The following DCDC2 variants were observed in gnomAD, a reference collection of about 807,000 sequenced individuals.
DCDC2 encodes the protein doublecortin domain containing 2.
In DCDC2, 40 loss-of-function variants were observed where a neutral mutation model predicts 50.2. The ratio of observed to expected loss-of-function variants is 0.80; its 90% CI spans 0.62 to 1.04. The LOEUF is 1.04. Ranked by LOEUF, DCDC2 falls within the 50% of genes least tolerant of loss-of-function variation. The pLI is 0.00. For missense variants in DCDC2, 570 were observed against 581.9 expected, an observed-to-expected ratio of 0.98 and a Z score of 0.21; for synonymous variants, 234 against 210.6, an observed-to-expected ratio of 1.11 and a Z score of -0.96.
At chr6:24,236,292 T>C (rs936973557) in intron 7 of DCDC2, among the ~76,000 whole-genome samples, 1 of 152,176 alleles carries the variant, frequency 6.6e-6, no homozygotes, top group South Asian at 2.1e-4. Flanking sequence ...CCTATAGCCA[T>C]CTGATCTTTG....
intron 2 of DCDC2, among the ~76,000 whole-genome samples, chr6:24,323,503 A>C (rs543126833): frequency 6.6e-6 from 1 of 152,230 alleles, no homozygotes; most frequent in Non-Finnish European, 1.5e-5. Flanking sequence ...ACATTAACAA[A>C]GGAACTGGGT....
rs917543259 is a variant in DCDC2 at position 24,173,700 on chromosome 6, T to G, written c.*1030A>C. 1 of 152,182 alleles carries G rather than the reference T, an allele frequency of 6.6e-6. No individual in the cohort carries two copies. 9.4% of individuals were successfully genotyped at this position (152,182 alleles called of 1,614,324 possible). A position where few individuals can be genotyped will look rare whatever the true frequency, so the allele number is the denominator to read the frequency against. Reference sequence around the variant, plus strand: ...AGAAATCTGCTTGAAATTCTAACTATATCATGCTAGGAAAAATAAATATTT... The same window carrying G: ...AGAAATCTGCTTGAAATTCTAACTAGATCATGCTAGGAAAAATAAATATTT... On this transcript the variant is annotated 3_prime_UTR_variant, in exon 10 of 10. Coordinates refer to ENST00000378454, the MANE Select transcript of DCDC2 (RefSeq NM_016356.5).
chr6:24,253,607 G>A (rs759812519), intron 7 of DCDC2, among the ~76,000 whole-genome samples: 3 of 152,106 alleles, frequency 2.0e-5, no homozygotes, highest in Non-Finnish European at 4.4e-5. Context: ...AACCTATACA[G>A]CATGCTACTA....
intron 2 of DCDC2, among the ~76,000 whole-genome samples, chr6:24,310,181 A>C (rs752812908): frequency 9.2e-5 from 14 of 152,176 alleles, no homozygotes; most frequent in Non-Finnish European, 1.8e-4. Flanking sequence ...ATACTTGGCT[A>C]TGTCTTAGAG....
At chr6:24,375,420 C>G in the DCDC2 span, among the ~76,000 whole-genome samples, 12 of 24,240 alleles carry the variant, frequency 5.0e-4, no homozygotes, top group South Asian at 5.1e-3. Flanking sequence ...TGTGTAAACT[C>G]CCCCCCCCAA....
chr6:24,201,274 G>A (rs1761581652), intron 8 of DCDC2, among the ~76,000 whole-genome samples: 1 of 152,062 alleles, frequency 6.6e-6, no homozygotes, highest in African/African-American at 2.4e-5. Flanking sequence ...CTCAGCAAAT[G>A]CAAAATAATG....
rs1388991936 is a variant in DCDC2 at position 24,178,779 on chromosome 6, GTT to G, written c.1024-149_1024-148del. ...ACTTTACAGTATAGAACGCACTTAC[GTT>G]TACTGAGTACCTACCACATGCCACA... On this transcript the variant is annotated intron_variant, in intron 8 of 9. Transcript: ENST00000378454. 1.1e-5 allele frequency: 8 copies of G among 714,146 alleles called. No homozygotes were observed. In the Admixed American group the frequency reaches 1.8e-4, roughly 16 times the overall value. 44.2% of individuals were successfully genotyped at this position (714,146 alleles called of 1,614,324 possible).
At chr6:24,267,214 T>C (rs1259432933) in intron 7 of DCDC2, among the ~76,000 whole-genome samples, 1 of 152,114 alleles carries the variant, frequency 6.6e-6, no homozygotes, top group Non-Finnish European at 1.5e-5. Flanking sequence ...TATAGTTAGA[T>C]ACAATGAATA....
chr6:24,291,382 T>G (rs1421586544), intron 4 of DCDC2, among the ~76,000 whole-genome samples: 1 of 152,146 alleles, frequency 6.6e-6, no homozygotes, highest in Non-Finnish European at 1.5e-5. Flanking sequence ...TATTAAAATT[T>G]TAGAGGAGAA....
intron 7 of DCDC2, among the ~76,000 whole-genome samples, chr6:24,273,017 C>T (rs548976205): frequency 0.015 from 2,210 of 150,842 alleles, 57 homozygotes; most frequent in African/African-American, 0.05. Context: ...CATACACACA[C>T]ACACACACAC....
chr6:24,350,543 C>A (rs375610966), intron 2 of DCDC2, among the ~76,000 whole-genome samples: 9 of 152,256 alleles, frequency 5.9e-5, no homozygotes, highest in African/African-American at 2.2e-4. Context: ...AGGCCCATCA[C>A]TGAAAACTCA....
Position 24,284,368 on chromosome 6 carries a change from G to C in DCDC2, c.759+4484C>G, listed in dbSNP as rs1763544849. Among the ~76,000 whole-genome samples the C allele has an allele frequency of 2.0e-5, 3 of 152,166 alleles. No individual in the cohort carries two copies. The East Asian group carries it at 5.8e-4, about 29-fold the overall frequency. On this transcript the variant is annotated intron_variant, in intron 6 of 9. Coordinates refer to ENST00000378454, the MANE Select transcript of DCDC2 (RefSeq NM_016356.5). ...CACGCCTCTCATCCCAACACTTTGA[G>C]AGGCCGAGGCAGGTGGATCATGAGG...
At chr6:24,330,095 T>C (rs972416679) in intron 2 of DCDC2, among the ~76,000 whole-genome samples, 1 of 152,180 alleles carries the variant, frequency 6.6e-6, no homozygotes, top group African/African-American at 2.4e-5. Context: ...TTTTTTAAAT[T>C]CCACTAAATG....
chr6:24,378,153 G>A, the DCDC2 span, among the ~76,000 whole-genome samples: 3 of 152,190 alleles, frequency 2.0e-5, no homozygotes, highest in African/African-American at 4.8e-5. Flanking sequence ...TAAAAATACA[G>A]CAGAGCAGGA....
chr6:24,220,528 T>C (rs911075422), intron 7 of DCDC2, among the ~76,000 whole-genome samples: 2 of 152,192 alleles, frequency 1.3e-5, no homozygotes, highest in African/African-American at 2.4e-5. Flanking sequence ...ACCCCACAAA[T>C]TATGCAGTCA....
the DCDC2 span, among the ~76,000 whole-genome samples, chr6:24,382,381 C>T: frequency 1.3e-5 from 2 of 151,976 alleles, no homozygotes; most frequent in Non-Finnish European, 2.9e-5. Context: ...ATAAAAATTT[C>T]ATGTACATTA....
In DCDC2 at chr6:24,301,175, T is replaced by G. The variant is rs980634275; in HGVS notation, c.557+540A>C. Among the ~76,000 whole-genome samples the G allele has an allele frequency of 5.9e-5, 9 of 151,560 alleles. No homozygotes were observed. In the South Asian group the frequency reaches 1.5e-3, roughly 25 times the overall value. ...TCACGAGGTCAGGAGATCGAGCCCA[T>G]CCTGGCTAACATGGAGAAACCCCGT... On this transcript the variant is annotated intron_variant, in intron 4 of 9. Coordinates refer to ENST00000378454, the MANE Select transcript of DCDC2 (RefSeq NM_016356.5).
At chr6:24,331,009 T>A (rs923234190) in intron 2 of DCDC2, among the ~76,000 whole-genome samples, 1 of 152,192 alleles carries the variant, frequency 6.6e-6, no homozygotes, top group Non-Finnish European at 1.5e-5. Context: ...AATGAAGGCT[T>A]CTTCCCTGTT....
chr6:24,353,006 C>T (rs1398657447), intron 2 of DCDC2, among the ~76,000 whole-genome samples: 3 of 152,172 alleles, frequency 2.0e-5, no homozygotes, highest in Non-Finnish European at 2.9e-5. Flanking sequence ...ACGTGGAATG[C>T]GGTATTGTGA....
Sources: gnomAD v4.1 joint callset for allele counts (sites outside exome capture counted in the v4.1 genomes callset) on GRCh38, gnomAD v4.1.1 for gene constraint, MANE v1.5 for transcripts, NCBI Gene and HGNC (gene_info 2026-07-23, HGNC 2026-07-21) for gene names.